RUSC2: variants seen among roughly 807,000 people sequenced by gnomAD.
The protein encoded by RUSC2 is AP-4 complex accessory subunit RUSC2.
Under a neutral mutation model 122.2 loss-of-function variants are expected in RUSC2, and 34 were observed. The ratio of observed to expected loss-of-function variants is 0.28; its 90% CI spans 0.21 to 0.37. RUSC2 has a LOEUF of 0.37. Among genes scored for constraint, RUSC2 ranks in the 10% least tolerant of loss-of-function variants. The pLI is 1.00. For missense variants in RUSC2, 1,747 were observed against 1,952.4 expected, an observed-to-expected ratio of 0.89 and a Z score of 1.98; for synonymous variants, 784 against 790.0, an observed-to-expected ratio of 0.99 and a Z score of 0.13.
chr9:35,529,806 G>A (rs779154983), intron 1 of RUSC2, among the ~76,000 whole-genome samples: 1 of 152,104 alleles, frequency 6.6e-6, no homozygotes, highest in African/African-American at 2.4e-5. Flanking sequence ...TATTTATTAA[G>A]CACTTTACTA....
chr9:35,520,131 C>A (rs1396563666), intron 1 of RUSC2, among the ~76,000 whole-genome samples: 1 of 152,182 alleles, frequency 6.6e-6, no homozygotes, highest in Non-Finnish European at 1.5e-5. Context: ...TTGCTGCCAC[C>A]TGCGAGTGAG....
intron 1 of RUSC2, among the ~76,000 whole-genome samples, chr9:35,533,994 G>A (rs1178073252): frequency 1.3e-5 from 2 of 152,152 alleles, no homozygotes; most frequent in Non-Finnish European, 2.9e-5. Context: ...AATTGCTGGG[G>A]TCAAATAGTA....
At chr9:35,521,848 C>T (rs1821221685) in intron 1 of RUSC2, among the ~76,000 whole-genome samples, 1 of 152,268 alleles carries the variant, frequency 6.6e-6, no homozygotes, top group Admixed American at 6.5e-5. Flanking sequence ...AAACAGTGGC[C>T]TCCTCAGCTA....
Position 35,561,367 on chromosome 9 carries a change from A to C in RUSC2, c.4536A>C (p.Gly1512=). The C allele has an allele frequency of 6.2e-7, 1 of 1,612,300 alleles. No homozygotes were observed. Among genetic ancestry groups the C allele is most frequent in the Non-Finnish European group, 8.5e-7 (1 of 1,179,110 alleles). Residue 1512 remains glycine, a synonymous_variant, in exon 12 of 12, where the codon GGA becomes GGC. Coordinates refer to ENST00000361226, the MANE Select transcript of RUSC2 (RefSeq NM_014806.5). Reference sequence around the variant, plus strand: ...CCCCAACTCCAAGTCCAACCCCTGGAAGCAGCCAAAACTGAGGCCCTGTGC... The same window carrying C: ...CCCCAACTCCAAGTCCAACCCCTGGCAGCAGCCAAAACTGAGGCCCTGTGC... The part of the protein sequence containing the change: ...TLTPTPSPTP[G]SSQN
intron 1 of RUSC2, chr9:35,538,563 T>C (rs1213344106): frequency 6.6e-6 from 1 of 152,492 alleles, no homozygotes; most frequent in East Asian, 1.9e-4. Context: ...GAGAGGTTTC[T>C]GGTTAAGATA....
At chr9:35,520,539 G>T (rs1429624738) in intron 1 of RUSC2, among the ~76,000 whole-genome samples, 2 of 152,150 alleles carry the variant, frequency 1.3e-5, no homozygotes, top group Non-Finnish European at 2.9e-5. Context: ...TGATTGGATA[G>T]CAGCTTCCTA....
intron 1 of RUSC2, among the ~76,000 whole-genome samples, chr9:35,525,682 G>A (rs145617478): frequency 6.6e-6 from 1 of 152,026 alleles, no homozygotes; most frequent in Admixed American, 6.6e-5. Flanking sequence ...TCCTGCAGTC[G>A]CAGCTACTCG....
chr9:35,559,560 C>G (rs1261434609), intron 9 of RUSC2, among the ~76,000 whole-genome samples: 1 of 152,170 alleles, frequency 6.6e-6, no homozygotes, highest in Non-Finnish European at 1.5e-5. Flanking sequence ...CATGGTGAAA[C>G]CCCGTCTCTA....
intron 1 of RUSC2, among the ~76,000 whole-genome samples, chr9:35,514,463 T>A (rs1453632972): frequency 2.6e-5 from 4 of 152,196 alleles, no homozygotes; most frequent in African/African-American, 9.6e-5. Context: ...GAAGGGTTTT[T>A]AAGCATGAAA....
At chr9:35,522,722 C>T (rs1294791723) in intron 1 of RUSC2, among the ~76,000 whole-genome samples, 2 of 152,126 alleles carry the variant, frequency 1.3e-5, no homozygotes, top group Non-Finnish European at 2.9e-5. Flanking sequence ...GAATAGAGTA[C>T]AGTATGTAAT....
intron 1 of RUSC2, among the ~76,000 whole-genome samples, chr9:35,494,869 A>C (rs1820646428): frequency 6.9e-6 from 1 of 144,002 alleles, no homozygotes; most frequent in South Asian, 2.1e-4. Context: ...ATTAAGTGAC[A>C]TGAAGCTTTC....
chr9:35,534,985 T>C (rs991835856), intron 1 of RUSC2, among the ~76,000 whole-genome samples: 1 of 152,180 alleles, frequency 6.6e-6, no homozygotes, highest in Admixed American at 6.5e-5. Flanking sequence ...TGTTTTTTTT[T>C]TTATTTTTTC....
chr9:35,511,160 A>C (rs569919760), intron 1 of RUSC2, among the ~76,000 whole-genome samples: 2 of 152,280 alleles, frequency 1.3e-5, no homozygotes, highest in East Asian at 3.9e-4. Flanking sequence ...ACTTTATAGC[A>C]CTGCCCTCAG....
chr9:35,555,597 C>A lies in RUSC2; in HGVS notation c.2552C>A (p.Thr851Lys), dbSNP rs1460713441. 2 of 1,613,730 alleles carry A rather than the reference C, an allele frequency of 1.2e-6. No homozygotes were observed. The highest frequency in any genetic ancestry group is 8.5e-7 in the Non-Finnish European group (1 of 1,180,022). ...TTGACTGAGTACCGGCTCCATGGAA[C>A]AGGAAGCTTGCCGCCTCTGGGCTCC... ...LTLTEYRLHGTGSLPPLGSWR... is the reference protein window; with the variant it reads ...LTLTEYRLHGKGSLPPLGSWR... The change falls in exon 3 of 12, where the codon ACA becomes AAA. Residue 851 changes from threonine (T) to lysine (K), a missense_variant. Physicochemically the swap from Thr to Lys is moderately conservative, Grantham distance 78. Transcript: ENST00000361226. This position sits in a 1 kb window ranked among gnomAD's most constrained non-coding sequence, Gnocchi z 4.6.
At position 35,555,653 on chromosome 9, in the gene RUSC2, C is replaced by G. The variant is rs939227691; in HGVS notation, c.2608C>G (p.Leu870Val). Residue 870 changes from leucine (L) to valine (V), a missense_variant, in exon 3 of 12, where the codon CTG (leucine) becomes GTG (valine). Physicochemically the swap from Leu to Val is conservative, Grantham distance 32. Coordinates refer to ENST00000361226, the MANE Select transcript of RUSC2 (RefSeq NM_014806.5). The surrounding 1 kb of genome is among the most constrained non-coding windows in gnomAD (Gnocchi z 4.6). ...WRSGLSRAES[L>V]ARGGGEGSMA... is the part of the protein sequence containing the mutation. ...ATCTGGCCTCAGCCGAGCAGAGAGCCTGGCCCGGGGAGGTGGTGAGGGCAG... is the reference window on the plus strand; with the variant it reads ...ATCTGGCCTCAGCCGAGCAGAGAGCGTGGCCCGGGGAGGTGGTGAGGGCAG... 1 of 1,607,642 alleles carries G rather than the reference C, an allele frequency of 6.2e-7. No individual in the cohort carries two copies. Among genetic ancestry groups the G allele is most frequent in the Non-Finnish European group, 8.5e-7 (1 of 1,179,736 alleles).
intron 1 of RUSC2, among the ~76,000 whole-genome samples, chr9:35,528,806 C>A (rs1474316545): frequency 2.0e-5 from 3 of 152,092 alleles, no homozygotes; most frequent in African/African-American, 7.2e-5. Context: ...CTTAAAAGGG[C>A]CGGGCATGGT....
chr9:35,554,137 G>A (rs1208343959), intron 2 of RUSC2, among the ~76,000 whole-genome samples: 1 of 151,964 alleles, frequency 6.6e-6, no homozygotes, highest in Non-Finnish European at 1.5e-5. Flanking sequence ...TGCTTATAGC[G>A]CCATCTTACG....
Position 35,558,502 on chromosome 9 carries a change from C to T in RUSC2, c.3276C>T (p.Val1092=). Residue 1092 remains valine, a synonymous_variant, in exon 8 of 12, where the codon GTC becomes GTT. Coordinates refer to ENST00000361226, the MANE Select transcript of RUSC2 (RefSeq NM_014806.5). The surrounding 1 kb of genome is among the most constrained non-coding windows in gnomAD (Gnocchi z 4.3). ...TKVLHGLYNK[V]SQFPELTSHT... is the part of the protein sequence containing the mutation. Reference sequence around the variant, plus strand: ...TCCTGCATGGCCTCTACAACAAAGTCAGCCAATTCCCAGAGCTCACCAGTC... The same window carrying T: ...TCCTGCATGGCCTCTACAACAAAGTTAGCCAATTCCCAGAGCTCACCAGTC... The T allele has an allele frequency of 6.2e-7, 1 of 1,614,156 alleles. No individual in the cohort carries two copies. Among genetic ancestry groups the T allele is most frequent in the Non-Finnish European group, 8.5e-7 (1 of 1,180,014 alleles).
At chr9:35,543,403 T>C (rs7859199) in intron 1 of RUSC2, among the ~76,000 whole-genome samples, 101,049 of 151,972 alleles carry the variant, frequency 0.66, 34,127 homozygotes, top group Admixed American at 0.73. Context: ...GCCTCGGTGA[T>C]AGAGTGAGAA....
Sources: gnomAD v4.1 joint callset for allele counts (sites outside exome capture counted in the v4.1 genomes callset) on GRCh38, gnomAD v4.1.1 for gene constraint, Gnocchi (gnomAD v3.1) non-coding constraint, MANE v1.5 for transcripts, NCBI Gene and HGNC (gene_info 2026-07-23, HGNC 2026-07-21) for gene names.